Variants in MGST1 observed in about 807,000 individuals in gnomAD.
MGST1 encodes glutathione S-transferase 12.
In MGST1, 5 loss-of-function variants were observed where a neutral mutation model predicts 8.9. The ratio of observed to expected loss-of-function variants is 0.56; its 90% CI spans 0.29 to 1.19. The LOEUF (loss-of-function observed/expected upper bound fraction) is 1.19, where lower values mean the gene tolerates loss of function less well. MGST1 is among the 50% of genes most tolerant of loss of function. The pLI is 0.08. For synonymous variants in MGST1, 54 were observed against 67.8 expected, an observed-to-expected ratio of 0.80 and a Z score of 1.00; for missense variants, 182 against 187.4, an observed-to-expected ratio of 0.97 and a Z score of 0.17.
chr12:16,496,192 G>T (rs1340935677), intron 4 of MGST1, among the ~76,000 whole-genome samples: 2 of 152,028 alleles, frequency 1.3e-5, no homozygotes, highest in Admixed American at 1.3e-4. Flanking sequence ...AAGGGGATTT[G>T]TTAAAGGATG....
At chr12:16,440,594 C>A (rs1390471890), downstream of MGST1, among the ~76,000 whole-genome samples, 1 of 151,726 alleles carries the variant, frequency 6.6e-6, no homozygotes, top group Non-Finnish European at 1.5e-5. Flanking sequence ...CTTTTGCATT[C>A]TGGTGTGGAA....
chr12:16,575,127 G>C (rs999181903), intron 4 of MGST1, among the ~76,000 whole-genome samples: 4 of 152,150 alleles, frequency 2.6e-5, no homozygotes, highest in African/African-American at 9.7e-5. Context: ...TGACTTCCAA[G>C]TTATAATCTA....
chr12:16,375,055 A>AT (rs1565442456), intron 3 of MGST1, among the ~76,000 whole-genome samples: 1 of 152,120 alleles, frequency 6.6e-6, no homozygotes, highest in East Asian at 1.9e-4. Flanking sequence ...TAATTTTTAA[A>AT]TTTTTTGTAG....
intron 4 of MGST1, among the ~76,000 whole-genome samples, chr12:16,496,200 A>G (rs552355330): frequency 6.6e-6 from 1 of 152,178 alleles, no homozygotes; most frequent in East Asian, 1.9e-4. Flanking sequence ...TTGTTAAAGG[A>G]TGCTAATGTT....
intron 1 of MGST1, among the ~76,000 whole-genome samples, chr12:16,388,691 G>T (rs1940525248): frequency 6.6e-6 from 1 of 152,146 alleles, no homozygotes; most frequent in Non-Finnish European, 1.5e-5. Flanking sequence ...TATTTATTTT[G>T]TGACACACTG....
chr12:16,355,885 A>G (rs1157443001), intron 2 of MGST1, among the ~76,000 whole-genome samples: 2 of 152,200 alleles, frequency 1.3e-5, no homozygotes, highest in African/African-American at 4.8e-5. Context: ...GGCTTAAGCA[A>G]CAAACATTTG....
chr12:16,485,230 T>A (rs988992460), intron 4 of MGST1, among the ~76,000 whole-genome samples: 3 of 152,224 alleles, frequency 2.0e-5, no homozygotes, highest in African/African-American at 7.2e-5. Flanking sequence ...GTTCATCATC[T>A]TCTACTTGGC....
Position 16,560,172 on chromosome 12 carries a change from C to T in MGST1, n.483-29356C>T, listed in dbSNP as rs765997168. On this transcript the variant is annotated intron_variant and non_coding_transcript_variant, in intron 4 of 4. Transcript: ENST00000538857. The surrounding 1 kb of genome is among the most constrained non-coding windows in gnomAD (Gnocchi z 5.0). ...AATGAGTAAAAGAAGTCAGAGTTTA[C>T]GGTAGTGTTTCCATTTTCTGTTACT... Among the ~76,000 whole-genome samples, 4 of 152,032 alleles carry T rather than the reference C, an allele frequency of 2.6e-5. No individual in the cohort carries two copies. Among genetic ancestry groups the T allele is most frequent in the Non-Finnish European group, 4.4e-5 (3 of 67,996 alleles).
chr12:16,404,678 C>T (rs910101464), intron 1 of MGST1, among the ~76,000 whole-genome samples: 8 of 152,106 alleles, frequency 5.3e-5, no homozygotes, highest in African/African-American at 1.4e-4. Flanking sequence ...ATTTATTCCT[C>T]TCCCTATTTT....
chr12:16,590,277 G>A (rs1477605978), downstream of MGST1, among the ~76,000 whole-genome samples: 1 of 152,044 alleles, frequency 6.6e-6, no homozygotes, highest in Non-Finnish European at 1.5e-5. Flanking sequence ...GGTTAGGTTA[G>A]TGGTGAGAAA....
chr12:16,574,510 T>C (rs762202949), intron 4 of MGST1, among the ~76,000 whole-genome samples: 1 of 152,174 alleles, frequency 6.6e-6, no homozygotes, highest in African/African-American at 2.4e-5. Flanking sequence ...TTTTTTCTTA[T>C]AGTCTTTCTG....
chr12:16,359,895 T>C (rs1388303690), intron 3 of MGST1, among the ~76,000 whole-genome samples: 1 of 151,690 alleles, frequency 6.6e-6, no homozygotes, highest in Non-Finnish European at 1.5e-5. Flanking sequence ...GATTCCTCCC[T>C]ACTATTCTTT....
At chr12:16,468,137 C>T (rs979531099) in intron 4 of MGST1, among the ~76,000 whole-genome samples, 1 of 152,160 alleles carries the variant, frequency 6.6e-6, no homozygotes, top group African/African-American at 2.4e-5. Flanking sequence ...GAAGCTCATT[C>T]TATTTCCATC....
At chr12:16,551,502 A>C (rs1259321987) in intron 4 of MGST1, among the ~76,000 whole-genome samples, 3 of 151,992 alleles carry the variant, frequency 2.0e-5, no homozygotes, top group African/African-American at 7.2e-5. Context: ...ACTTCATTTA[A>C]TGAAATGTTG....
At chr12:16,574,048 A>C (rs1481264223) in intron 4 of MGST1, 2 of 152,074 alleles carry the variant, frequency 1.3e-5, no homozygotes, top group Non-Finnish European at 2.9e-5. Context: ...CGAAGTAACA[A>C]ATGTGTCCAC....
intron 4 of MGST1, among the ~76,000 whole-genome samples, chr12:16,527,602 G>C (rs577085580): frequency 6.6e-6 from 1 of 151,982 alleles, no homozygotes; most frequent in East Asian, 1.9e-4. Flanking sequence ...TGGTATAAAA[G>C]GTATGTCTTA....
Position 16,363,778 on chromosome 12 carries a change from GTTA to G in MGST1, c.222-15_222-13del, listed in dbSNP as rs1940105711. The stretch of plus-strand genomic sequence containing the variant: ...TATTTTGAAATTAGTGTCTTTAATA[GTTA>G]TCTTTTTCCACAGAGCCCACCTGAA... On this transcript the variant is annotated splice_polypyrimidine_tract_variant and intron_variant, in intron 3 of 3. Coordinates refer to ENST00000396210, the MANE Select transcript of MGST1 (RefSeq NM_020300.5). The surrounding 1 kb of genome is among the most constrained non-coding windows in gnomAD (Gnocchi z 4.6). The G allele has an allele frequency of 1.3e-5, 21 of 1,576,368 alleles. No homozygotes were observed. Among genetic ancestry groups the G allele is most frequent in the Non-Finnish European group, 1.8e-5 (21 of 1,154,866 alleles).
intron 4 of MGST1, among the ~76,000 whole-genome samples, chr12:16,574,640 A>C (rs1427277822): frequency 2.6e-5 from 4 of 152,170 alleles, no homozygotes; most frequent in African/African-American, 9.7e-5. Flanking sequence ...TTACTGACAC[A>C]ATGGAGCTAA....
At chr12:16,516,971 G>A (rs1565467970) in intron 4 of MGST1, among the ~76,000 whole-genome samples, 2 of 152,276 alleles carry the variant, frequency 1.3e-5, no homozygotes, top group East Asian at 1.9e-4. Flanking sequence ...TCAACACTCA[G>A]TACATTATTT....
Sources: gnomAD v4.1 joint callset for allele counts (sites outside exome capture counted in the v4.1 genomes callset) on GRCh38, gnomAD v4.1.1 for gene constraint, Gnocchi (gnomAD v3.1) non-coding constraint, MANE v1.5 for transcripts, NCBI Gene and HGNC (gene_info 2026-07-23, HGNC 2026-07-21) for gene names.